TRAPPC10: variants seen among roughly 807,000 people sequenced by gnomAD.
TRAPPC10 encodes the protein TRAPP 130 kDa subunit.
Under a neutral mutation model 125.5 loss-of-function variants are expected in TRAPPC10, and 23 were observed. That is an observed-to-expected ratio of 0.18 (90% CI 0.13 to 0.26). The LOEUF (loss-of-function observed/expected upper bound fraction) is 0.26. Among genes scored for constraint, TRAPPC10 ranks in the 10% least tolerant of loss-of-function variants. TRAPPC10 has a pLI of 1.00. For missense variants in TRAPPC10, 1,123 were observed against 1,308.4 expected (o/e 0.86, Z 2.19); for synonymous variants, 509 against 518.0 (o/e 0.98, Z 0.24).
intron 2 of TRAPPC10, among the ~76,000 whole-genome samples, chr21:44,034,332 A>ACC (rs71197877): frequency 3.0e-4 from 30 of 101,618 alleles, no homozygotes; most frequent in East Asian, 1.2e-3. Context: ...CACTCCCCCA[A>ACC]CCCCCCCCCC....
chr21:44,019,938 G>A (rs1444460273), intron 1 of TRAPPC10, among the ~76,000 whole-genome samples: 1 of 152,190 alleles, frequency 6.6e-6, no homozygotes, highest in Non-Finnish European at 1.5e-5. Context: ...TGGTTACAAG[G>A]TGGGGTGATC....
At position 44,036,359 on chromosome 21, in the gene TRAPPC10, A is replaced by G. The variant is rs141712668; in HGVS notation, c.150-1433A>G. Among the ~76,000 whole-genome samples the G allele has an allele frequency of 4.2e-3, 636 of 152,176 alleles. 7 individuals are homozygous for G. The highest frequency in any genetic ancestry group is 0.015 in the African/African-American group (610 of 41,506). ...ATTCACAGTGTCATCAAGAGGGAAG[A>G]CTCTGTCACAGCTTCCCACCCTGAG... On this transcript the variant is annotated intron_variant, in intron 2 of 22. Coordinates refer to ENST00000291574, the MANE Select transcript of TRAPPC10 (RefSeq NM_003274.5).
At chr21:44,046,431 G>T in intron 3 of TRAPPC10, 1 of 282,290 alleles carries the variant, frequency 3.5e-6, no homozygotes, top group South Asian at 4.5e-5. Context: ...TTGTAGCCTT[G>T]ACAAGAGACT....
rs573390145 is a variant in TRAPPC10, at chr21:44,053,114, C to T, written c.482+638C>T. Reference sequence around the variant, plus strand: ...CACCCAAGGCCTGGGGATTCAGGGGCGAACATGGACCCTGCCCTGGTCCAG... The same window carrying T: ...CACCCAAGGCCTGGGGATTCAGGGGTGAACATGGACCCTGCCCTGGTCCAG... On this transcript the variant is annotated intron_variant, in intron 4 of 22. Coordinates refer to ENST00000291574, the MANE Select transcript of TRAPPC10 (RefSeq NM_003274.5). Among the ~76,000 whole-genome samples the T allele has an allele frequency of 2.4e-4, 36 of 152,166 alleles. No individual in the cohort carries two copies. In the East Asian group the frequency reaches 3.5e-3, roughly 15 times the overall value.
intron 19 of TRAPPC10, among the ~76,000 whole-genome samples, chr21:44,093,194 C>G (rs1342620376): frequency 2.0e-5 from 3 of 152,156 alleles, no homozygotes; most frequent in Non-Finnish European, 4.4e-5. Context: ...CATGGTGGCT[C>G]ACACCTGTGA....
At position 44,082,364 on chromosome 21, in the gene TRAPPC10, G is replaced by A. The variant is rs1266153363; in HGVS notation, c.1724-424G>A. Among the ~76,000 whole-genome samples the A allele has an allele frequency of 6.6e-6, 1 of 152,158 alleles. No individual in the cohort carries two copies. The highest frequency in any genetic ancestry group is 6.5e-5 in the Admixed American group (1 of 15,270). ...CTTTGTAGACTGGCAGACACCTGGG[G>A]TTTGTTTCCACATCACAGCAGGGCA... On this transcript the variant is annotated intron_variant, in intron 13 of 22. Transcript: ENST00000291574. The surrounding 1 kb of genome is among the most constrained non-coding windows in gnomAD (Gnocchi z 4.4).
In TRAPPC10 at chr21:44,012,359, G is replaced by T; in HGVS notation, c.-135G>T. The T allele has an allele frequency of 6.3e-6, 2 of 315,818 alleles. No homozygotes were observed. The highest frequency in any genetic ancestry group is 9.2e-6 in the Non-Finnish European group (2 of 218,164). The allele number at this position is 315,818 out of a possible 1,614,324, so 19.6% of individuals were successfully genotyped here. A position where few individuals can be genotyped will look rare whatever the true frequency, so the allele number is the denominator to read the frequency against. On this transcript the variant is annotated 5_prime_UTR_variant, in exon 1 of 23. Transcript: ENST00000291574. ...GCCGGCAGCAGCGGGCGGCAGCTGC[G>T]GCGCAACCGGCTCCGGAGCTGCCTG...
intron 18 of TRAPPC10, among the ~76,000 whole-genome samples, chr21:44,090,446 C>G (rs1177687440): frequency 6.6e-6 from 1 of 152,186 alleles, no homozygotes; most frequent in Non-Finnish European, 1.5e-5. Flanking sequence ...GAGCAGCACC[C>G]CAGGCTCTCC....
At chr21:44,079,968 C>T (rs2037569072) in intron 12 of TRAPPC10, 47 bp from the exon 13 acceptor site, 1 of 1,528,106 alleles carries the variant, frequency 6.5e-7, no homozygotes, top group African/African-American at 1.4e-5. Context: ...CTTCCCCCCG[C>T]ACTCCTAAGT....
intron 1 of TRAPPC10, among the ~76,000 whole-genome samples, chr21:44,019,878 C>G (rs933129576): frequency 2.0e-5 from 3 of 152,200 alleles, no homozygotes; most frequent in African/African-American, 7.2e-5. Flanking sequence ...TTCGTGTACT[C>G]CTGACCGAGG....
rs1420316758 is a variant in TRAPPC10 at position 44,084,755 on chromosome 21, G to T, written c.2380+492G>T. Reference sequence around the variant, plus strand: ...CTTCCCATGCCAGCCACCAGCCCAGGGTTCTTTTGCTTGTGCTCCTGACCA... The same window carrying T: ...CTTCCCATGCCAGCCACCAGCCCAGTGTTCTTTTGCTTGTGCTCCTGACCA... On this transcript the variant is annotated intron_variant, in intron 15 of 22. Coordinates refer to ENST00000291574, the MANE Select transcript of TRAPPC10 (RefSeq NM_003274.5). 3.9e-5 allele frequency among the ~76,000 whole-genome samples: 6 copies of T among 152,284 alleles called. No homozygotes were observed. The East Asian group carries it at 5.8e-4, about 15-fold the overall frequency.
intron 1 of TRAPPC10, among the ~76,000 whole-genome samples, chr21:44,014,859 C>T (rs754045292): frequency 1.6e-4 from 24 of 152,138 alleles, no homozygotes; most frequent in Non-Finnish European, 3.1e-4. Flanking sequence ...GAAAAATGAT[C>T]ACTTTAAAAG....
At chr21:44,094,732 TAGGTGAGTAGATAC>T (rs1490421250) in intron 20 of TRAPPC10, among the ~76,000 whole-genome samples, 1 of 152,232 alleles carries the variant, frequency 6.6e-6, no homozygotes, top group Non-Finnish European at 1.5e-5. Flanking sequence ...AGCCTTGAGC[TAGGTGAGTAGATAC>T]AGGTGTGTGC....
At chr21:44,068,240 G>T (rs1324009481) in intron 7 of TRAPPC10, among the ~76,000 whole-genome samples, 1 of 152,138 alleles carries the variant, frequency 6.6e-6, no homozygotes, top group African/African-American at 2.4e-5. Flanking sequence ...CTGGCCTTAT[G>T]AAGCTTACGT....
chr21:44,055,601 G>T, intron 4 of TRAPPC10, 97 bp from the exon 5 acceptor site: 1 of 964,166 alleles, frequency 1.0e-6, no homozygotes, highest in Non-Finnish European at 1.5e-6. Flanking sequence ...AAAGGAGGAG[G>T]AAGGAAGAAA....
At chr21:44,031,234 T>A (rs567832353) in intron 1 of TRAPPC10, among the ~76,000 whole-genome samples, 1 of 152,314 alleles carries the variant, frequency 6.6e-6, no homozygotes, top group Non-Finnish European at 1.5e-5. Context: ...CCCAATGATT[T>A]CTTAAAGATC....
intron 4 of TRAPPC10, among the ~76,000 whole-genome samples, 173 bp from the exon 5 acceptor site, chr21:44,055,525 C>T (rs575319953): frequency 4.0e-5 from 6 of 150,940 alleles, no homozygotes; most frequent in Admixed American, 3.3e-4. Flanking sequence ...TTGCAGTGAG[C>T]CAAGATTGTG....
rs1294418208 is a variant in TRAPPC10 at position 44,075,029 on chromosome 21, A to G, written c.1186-10A>G. On this transcript the variant is annotated splice_polypyrimidine_tract_variant and intron_variant, in intron 8 of 22. Coordinates refer to ENST00000291574, the MANE Select transcript of TRAPPC10 (RefSeq NM_003274.5). ...GCAAATTAATTGAAATTGTGGATTT[A>G]TCTTAACAGTTAAAGTCCTTGGGCT... The G allele has an allele frequency of 6.4e-7, 1 of 1,573,042 alleles. No homozygotes were observed. The highest frequency in any genetic ancestry group is 1.7e-5 in the Admixed American group (1 of 58,530).
chr21:44,030,405 A>G (rs1229504631), intron 1 of TRAPPC10, among the ~76,000 whole-genome samples: 2 of 152,212 alleles, frequency 1.3e-5, no homozygotes, highest in Admixed American at 6.5e-5. Context: ...TTGGCAATCA[A>G]AGTTAAGAAA....
Sources: allele counts gnomAD v4.1 joint callset (sites outside exome capture counted in the v4.1 genomes callset), GRCh38; gene constraint gnomAD v4.1.1; non-coding constraint Gnocchi (gnomAD v3.1); transcripts MANE v1.5; gene names NCBI Gene and HGNC (gene_info 2026-07-23, HGNC 2026-07-21).